SCHIP1: variants seen among roughly 807,000 people sequenced by gnomAD.
SCHIP1 encodes the protein schwannomin interacting protein 1.
Under a neutral mutation model 29.7 loss-of-function variants are expected in SCHIP1, and 8 were observed. The ratio of observed to expected loss-of-function variants is 0.27; its 90% CI spans 0.16 to 0.49. SCHIP1 has a LOEUF of 0.49. SCHIP1 is among the 20% of genes least tolerant of loss of function. The pLI is 0.99. For missense variants in SCHIP1, 193 were observed against 294.6 expected, an observed-to-expected ratio of 0.66 and a Z score of 2.52; for synonymous variants, 76 against 94.9, an observed-to-expected ratio of 0.80 and a Z score of 1.16.
At chr3:159,597,214 TATAG>T in the SCHIP1 span, among the ~76,000 whole-genome samples, 24 of 152,252 alleles carry the variant, frequency 1.6e-4, no homozygotes, top group Middle Eastern at 6.8e-3. Flanking sequence ...AAACTAATTA[TATAG>T]ATATTTTTTA....
the SCHIP1 span, among the ~76,000 whole-genome samples, chr3:159,812,506 A>G: frequency 6.6e-6 from 1 of 152,228 alleles, no homozygotes; most frequent in Non-Finnish European, 1.5e-5. Context: ...GAAACAATGG[A>G]GAAAACCGAA....
the SCHIP1 span, among the ~76,000 whole-genome samples, chr3:159,473,893 T>C: frequency 6.6e-6 from 1 of 152,054 alleles, no homozygotes; most frequent in East Asian, 1.9e-4. Context: ...ACATAACACA[T>C]CATGAAAAGA....
At chr3:159,737,200 T>C in the SCHIP1 span, among the ~76,000 whole-genome samples, 1 of 152,096 alleles carries the variant, frequency 6.6e-6, no homozygotes, top group Non-Finnish European at 1.5e-5. Flanking sequence ...ATCAGGTGAG[T>C]AGACATCCTT....
At chr3:159,774,120 AT>A in the SCHIP1 span, among the ~76,000 whole-genome samples, 1 of 152,172 alleles carries the variant, frequency 6.6e-6, no homozygotes, top group Non-Finnish European at 1.5e-5. Context: ...ATACATTTGG[AT>A]TTTTATTTGT....
At chr3:159,304,303 T>C in the SCHIP1 span, among the ~76,000 whole-genome samples, 2 of 152,216 alleles carry the variant, frequency 1.3e-5, no homozygotes, top group Admixed American at 6.5e-5. Context: ...TCTGGGGTTT[T>C]AAGATTCAGA....
chr3:159,866,659 AC>A (rs138989783), intron 2 of SCHIP1, among the ~76,000 whole-genome samples: 1 of 151,948 alleles, frequency 6.6e-6, no homozygotes, highest in African/African-American at 2.4e-5. Context: ...ACCCAGAATC[AC>A]CCCCCTGACA....
the SCHIP1 span, among the ~76,000 whole-genome samples, chr3:159,775,390 C>T: frequency 6.6e-6 from 1 of 152,332 alleles, no homozygotes; most frequent in Admixed American, 6.5e-5. Context: ...GCCTCCCAGC[C>T]AGGCCTGCAG....
chr3:159,711,020 A>G, the SCHIP1 span, among the ~76,000 whole-genome samples: 1 of 152,150 alleles, frequency 6.6e-6, no homozygotes, highest in Non-Finnish European at 1.5e-5. Context: ...TTGTGTCCCT[A>G]TAGAGGTGAC....
chr3:159,426,627 C>A, the SCHIP1 span, among the ~76,000 whole-genome samples: 2 of 152,178 alleles, frequency 1.3e-5, no homozygotes, highest in Admixed American at 1.3e-4. Context: ...TGGTACCATT[C>A]CTTCTGAAAC....
intron 1 of SCHIP1, among the ~76,000 whole-genome samples, chr3:159,843,996 G>A (rs1340750614): frequency 6.6e-6 from 1 of 152,078 alleles, no homozygotes; most frequent in Non-Finnish European, 1.5e-5. Context: ...TCTCATCTGT[G>A]AAATGGAGAC....
chr3:159,569,894 T>C, the SCHIP1 span, among the ~76,000 whole-genome samples: 136 of 152,360 alleles, frequency 8.9e-4, 1 homozygote, highest in Non-Finnish European at 1.6e-3. Context: ...AGTGTGGTTT[T>C]GATTTGCATT....
the SCHIP1 span, among the ~76,000 whole-genome samples, chr3:159,413,158 C>A: frequency 6.6e-6 from 1 of 152,062 alleles, no homozygotes; most frequent in Non-Finnish European, 1.5e-5. Context: ...GGGAAACTGC[C>A]CCCATTATTC....
intron 2 of SCHIP1, among the ~76,000 whole-genome samples, chr3:159,876,995 TGATA>T (rs1715894119): frequency 6.6e-6 from 1 of 152,246 alleles, no homozygotes; most frequent in Non-Finnish European, 1.5e-5. Context: ...GTTTGTGGGC[TGATA>T]GAGTTAAGTA....
upstream of SCHIP1, among the ~76,000 whole-genome samples, chr3:159,839,638 T>C (rs1314420405): frequency 1.1e-4 from 15 of 134,344 alleles, no homozygotes; most frequent in South Asian, 5.1e-4. Flanking sequence ...CTTTTTTTTT[T>C]TTTTTTTTTT....
chr3:159,336,353 A>C, the SCHIP1 span, among the ~76,000 whole-genome samples: 2 of 151,966 alleles, frequency 1.3e-5, no homozygotes, highest in Admixed American at 1.3e-4. Flanking sequence ...TTTTAATTAG[A>C]TCCCATTTGT....
chr3:159,737,690 C>A, the SCHIP1 span, among the ~76,000 whole-genome samples: 2 of 152,190 alleles, frequency 1.3e-5, no homozygotes, highest in Non-Finnish European at 2.9e-5. Flanking sequence ...GAAAAGATAT[C>A]AAACTCAGAT....
chr3:159,769,566 G>A, the SCHIP1 span, among the ~76,000 whole-genome samples: 1 of 152,060 alleles, frequency 6.6e-6, no homozygotes, highest in Admixed American at 6.5e-5. Context: ...CCTGGCCAAC[G>A]TGGTGAAACC....
chr3:159,325,213 T>G, the SCHIP1 span, among the ~76,000 whole-genome samples: 12 of 152,122 alleles, frequency 7.9e-5, no homozygotes, highest in Non-Finnish European at 1.5e-5. Context: ...AGATAAGAAT[T>G]AGCAGTATTT....
the SCHIP1 span, among the ~76,000 whole-genome samples, chr3:159,821,515 A>G: frequency 7.2e-5 from 11 of 152,322 alleles, no homozygotes; most frequent in Non-Finnish European, 1.2e-4. Flanking sequence ...ATTGCCATCA[A>G]CTGAAACATG....
Sources: gnomAD v4.1 joint callset for allele counts (sites outside exome capture counted in the v4.1 genomes callset) on GRCh38, gnomAD v4.1.1 for gene constraint, MANE v1.5 for transcripts, NCBI Gene and HGNC (gene_info 2026-07-23, HGNC 2026-07-21) for gene names.